The following SHISA6 variants were observed in gnomAD, a reference collection of about 807,000 sequenced individuals.
SHISA6 encodes protein shisa-6.
In SHISA6, 22 loss-of-function variants were observed where a neutral mutation model predicts 47.9. That is an observed-to-expected ratio of 0.46 (90% CI 0.33 to 0.66). The LOEUF (loss-of-function observed/expected upper bound fraction) is 0.66. SHISA6 is among the 30% of genes least tolerant of loss of function. SHISA6 has a pLI of 0.02. For synonymous variants in SHISA6, 388 were observed against 337.8 expected, an observed-to-expected ratio of 1.15 and a Z score of -1.63; for missense variants, 680 against 764.6, an observed-to-expected ratio of 0.89 and a Z score of 1.30.
intron 3 of SHISA6, among the ~76,000 whole-genome samples, chr17:11,485,412 G>A (rs1024550996): frequency 2.6e-5 from 4 of 152,134 alleles, no homozygotes; most frequent in Admixed American, 6.5e-5. Flanking sequence ...CTCATGTAAC[G>A]GGGATGCCTA....
intron 2 of SHISA6, among the ~76,000 whole-genome samples, chr17:11,329,791 A>G (rs576690013): frequency 6.6e-6 from 1 of 152,244 alleles, no homozygotes; most frequent in Admixed American, 6.5e-5. Flanking sequence ...TAGGGTAAAG[A>G]AAATCGACTT....
intron 3 of SHISA6, among the ~76,000 whole-genome samples, chr17:11,497,811 A>G (rs923583053): frequency 1.3e-5 from 2 of 151,884 alleles, no homozygotes; most frequent in Admixed American, 6.6e-5. Context: ...CCATTCCTCA[A>G]TACTGGCTCA....
At chr17:11,455,557 G>T (rs564417653) in intron 3 of SHISA6, among the ~76,000 whole-genome samples, 1 of 151,884 alleles carries the variant, frequency 6.6e-6, no homozygotes, top group East Asian at 1.9e-4. Context: ...GGAAGTGTGT[G>T]TACAAGCGTG....
At chr17:11,520,293 C>G (rs896023835) in intron 3 of SHISA6, among the ~76,000 whole-genome samples, 6 of 152,194 alleles carry the variant, frequency 3.9e-5, no homozygotes, top group African/African-American at 1.4e-4. Flanking sequence ...CCCATCTCAG[C>G]AAAGGATGAA....
At chr17:11,327,276 G>T (rs1380529555) in intron 2 of SHISA6, among the ~76,000 whole-genome samples, 2 of 152,108 alleles carry the variant, frequency 1.3e-5, no homozygotes, top group African/African-American at 2.4e-5. Context: ...CTTCTGAGTT[G>T]GTGTGATTTC....
chr17:11,268,516 T>C (rs1412110303), intron 2 of SHISA6, among the ~76,000 whole-genome samples: 1 of 152,236 alleles, frequency 6.6e-6, no homozygotes, highest in East Asian at 1.9e-4. Flanking sequence ...TCTGTTTCTG[T>C]AGCCCCAAAT....
chr17:11,394,587 T>C (rs973902230), intron 3 of SHISA6, among the ~76,000 whole-genome samples: 1 of 152,184 alleles, frequency 6.6e-6, no homozygotes, highest in Non-Finnish European at 1.5e-5. Flanking sequence ...CAGCTTTAGC[T>C]CAATTCTGCA....
intron 2 of SHISA6, among the ~76,000 whole-genome samples, chr17:11,310,428 G>A (rs2142185807): frequency 6.6e-6 from 1 of 152,288 alleles, no homozygotes; most frequent in South Asian, 2.1e-4. Flanking sequence ...GCTCAGGGTG[G>A]TCGAGAATGA....
In SHISA6 at chr17:11,559,324, G is replaced by C. The variant is rs1372847608; in HGVS notation, c.*1020G>C. On this transcript the variant is annotated 3_prime_UTR_variant, in exon 6 of 6. Transcript: ENST00000441885. The surrounding 1 kb of genome is among the most constrained non-coding windows in gnomAD (Gnocchi z 4.4). ...GGGGAGGGCCACTGTGATGTGCGGG[G>C]TCTCGGGCTCAACATTCGCATCCTG... 6.6e-6 allele frequency: 1 copy of C among 152,396 alleles called. No individual in the cohort carries two copies. The highest frequency in any genetic ancestry group is 2.4e-5 in the African/African-American group (1 of 41,454). 9.4% of individuals were successfully genotyped at this position (152,396 alleles called of 1,614,324 possible). A position where few individuals can be genotyped will look rare whatever the true frequency, so the allele number is the denominator to read the frequency against.
chr17:11,538,654 G>A (rs1460230355), intron 3 of SHISA6, among the ~76,000 whole-genome samples: 7 of 152,110 alleles, frequency 4.6e-5, no homozygotes, highest in Non-Finnish European at 7.4e-5. Context: ...AGCCTGTGTC[G>A]AATCTTCCAA....
intron 2 of SHISA6, among the ~76,000 whole-genome samples, chr17:11,364,056 G>C (rs998581223): frequency 6.6e-6 from 1 of 152,092 alleles, no homozygotes; most frequent in Non-Finnish European, 1.5e-5. Flanking sequence ...CCTGAGCAAC[G>C]CTAAGAATCT....
At chr17:11,454,368 C>T (rs1347937807) in intron 3 of SHISA6, among the ~76,000 whole-genome samples, 1 of 152,212 alleles carries the variant, frequency 6.6e-6, no homozygotes, top group Non-Finnish European at 1.5e-5. Flanking sequence ...GCACCCTCTT[C>T]CTACAGCCTG....
intron 2 of SHISA6, among the ~76,000 whole-genome samples, chr17:11,368,823 A>T (rs1346352285): frequency 6.6e-6 from 1 of 151,922 alleles, no homozygotes; most frequent in East Asian, 1.9e-4. Flanking sequence ...TGCCCAGCTA[A>T]TTTTTGTATT....
chr17:11,525,253 T>G (rs561421778), intron 3 of SHISA6, among the ~76,000 whole-genome samples: 2 of 152,198 alleles, frequency 1.3e-5, no homozygotes, highest in African/African-American at 2.4e-5. Context: ...CGATTCATCA[T>G]GCCCACAAGA....
intron 3 of SHISA6, among the ~76,000 whole-genome samples, chr17:11,532,492 T>C (rs1224136736): frequency 3.3e-5 from 5 of 152,120 alleles, no homozygotes; most frequent in Non-Finnish European, 7.4e-5. Flanking sequence ...CGCGTGTGTG[T>C]GTGTGCGCGC....
intron 3 of SHISA6, among the ~76,000 whole-genome samples, chr17:11,447,830 C>T (rs944526928): frequency 3.3e-5 from 5 of 152,132 alleles, no homozygotes; most frequent in African/African-American, 1.2e-4. Flanking sequence ...AGGAAATACC[C>T]CACATGTATG....
chr17:11,374,408 A>C (rs530810265), intron 2 of SHISA6, among the ~76,000 whole-genome samples: 1 of 151,850 alleles, frequency 6.6e-6, no homozygotes, highest in South Asian at 2.1e-4. Context: ...AAAAATTCTT[A>C]CTCTGAGATC....
chr17:11,400,267 T>G (rs1913720348), intron 3 of SHISA6, among the ~76,000 whole-genome samples: 1 of 152,204 alleles, frequency 6.6e-6, no homozygotes, highest in Non-Finnish European at 1.5e-5. Flanking sequence ...AAACTGACGT[T>G]CGTTTTCTGC....
chr17:11,296,167 A>G (rs80293670), intron 2 of SHISA6, among the ~76,000 whole-genome samples: 101 of 152,194 alleles, frequency 6.6e-4, no homozygotes, highest in African/African-American at 2.4e-3. Context: ...ATGCTGCAGG[A>G]AGGGACAATA....
Sources: gnomAD v4.1 joint callset for allele counts (sites outside exome capture counted in the v4.1 genomes callset) on GRCh38, gnomAD v4.1.1 for gene constraint, Gnocchi (gnomAD v3.1) non-coding constraint, MANE v1.5 for transcripts, NCBI Gene and HGNC (gene_info 2026-07-23, HGNC 2026-07-21) for gene names.